The following STIM1 variants were observed in gnomAD, a reference collection of about 807,000 sequenced individuals.
The protein encoded by STIM1 is stromal interaction molecule 1.
Under a neutral mutation model 74.7 loss-of-function variants are expected in STIM1, and 25 were observed. The ratio of observed to expected loss-of-function variants is 0.33; its 90% CI spans 0.24 to 0.47. The LOEUF (loss-of-function observed/expected upper bound fraction) is 0.47, where lower values mean the gene tolerates loss of function less well. Among genes scored for constraint, STIM1 ranks in the 20% least tolerant of loss-of-function variants. STIM1 has a pLI of 1.00. For missense variants in STIM1, 728 were observed against 920.8 expected, an observed-to-expected ratio of 0.79 and a Z score of 2.71; for synonymous variants, 328 against 348.8, an observed-to-expected ratio of 0.94 and a Z score of 0.66.
intron 1 of STIM1, among the ~76,000 whole-genome samples, chr11:3,918,532 T>TAAAA (rs201179616): frequency 1.1e-5 from 1 of 92,814 alleles, no homozygotes; most frequent in Non-Finnish European, 1.9e-5. Context: ...AGACACTGTC[T>TAAAA]CAAAAAAAAA....
At chr11:3,995,868 G>A (rs2093659053) in intron 2 of STIM1, among the ~76,000 whole-genome samples, 1 of 150,538 alleles carries the variant, frequency 6.6e-6, no homozygotes, top group Admixed American at 6.6e-5. Flanking sequence ...CAGGTGGCCT[G>A]GCTAATTTTT....
intron 1 of STIM1, among the ~76,000 whole-genome samples, chr11:3,943,235 A>G (rs2093032049): frequency 6.6e-6 from 1 of 152,196 alleles, no homozygotes; most frequent in Non-Finnish European, 1.5e-5. Flanking sequence ...ACTTGCTTCC[A>G]CAGAACCTGG....
chr11:3,908,379 A>G (rs1241411693), intron 1 of STIM1, among the ~76,000 whole-genome samples: 1 of 152,138 alleles, frequency 6.6e-6, no homozygotes, highest in Non-Finnish European at 1.5e-5. Context: ...TTGGGAGGCC[A>G]AGGCAGGTGA....
chr11:3,927,262 T>C (rs1012269120), intron 1 of STIM1, among the ~76,000 whole-genome samples: 1 of 152,214 alleles, frequency 6.6e-6, no homozygotes, highest in Admixed American at 6.5e-5. Flanking sequence ...TTTTTAAGTC[T>C]ACCTCAGGAA....
intron 1 of STIM1, chr11:3,892,412 G>A (rs2091922825): frequency 6.9e-7 from 1 of 1,441,256 alleles, no homozygotes; most frequent in East Asian, 2.3e-5. Context: ...TCCACAGTCA[G>A]CAGTGGTGAT....
intron 7 of STIM1, among the ~76,000 whole-genome samples, chr11:4,079,600 A>G (rs1382828270): frequency 6.6e-6 from 1 of 152,146 alleles, no homozygotes; most frequent in African/African-American, 2.4e-5. Flanking sequence ...AAAAATAACT[A>G]TATCAAACCC....
intron 2 of STIM1, among the ~76,000 whole-genome samples, chr11:4,000,267 T>C (rs4910871): frequency 0.75 from 69,745 of 93,534 alleles, 28,673 homozygotes; most frequent in East Asian, 0.9. Context: ...GATCTGAGAA[T>C]GGGCAGACTG....
In STIM1 at chr11:4,029,510, G is replaced by C. The variant is rs140395835; in HGVS notation, c.385+5523G>C. On this transcript the variant is annotated intron_variant, in intron 3 of 12. Coordinates refer to ENST00000526596, the MANE Select transcript of STIM1 (RefSeq NM_001382567.1). ...GAAGATGTGCACTTTAGGTGAATTG[G>C]TGTGTCTAAATGGTCCCAATCTGAG... 2.8e-5 allele frequency among the ~76,000 whole-genome samples: 4 copies of C among 145,394 alleles called. No individual in the cohort carries two copies. The Admixed American group carries it at 2.8e-4, about 10-fold the overall frequency.
At chr11:3,997,640 G>C (rs1170227649) in intron 2 of STIM1, among the ~76,000 whole-genome samples, 1 of 152,154 alleles carries the variant, frequency 6.6e-6, no homozygotes, top group African/African-American at 2.4e-5. Context: ...TTAAGTGAGG[G>C]AATAGCATGT....
At chr11:4,087,317 C>T (rs2094499645) in intron 12 of STIM1, among the ~76,000 whole-genome samples, 1 of 152,088 alleles carries the variant, frequency 6.6e-6, no homozygotes, top group African/African-American at 2.4e-5. Flanking sequence ...TTATTAAGTG[C>T]TATGGGGGTG....
chr11:4,008,087 C>T (rs773222133), intron 2 of STIM1, among the ~76,000 whole-genome samples: 4 of 152,096 alleles, frequency 2.6e-5, no homozygotes, highest in Non-Finnish European at 5.9e-5. Context: ...ATTCAGTCAA[C>T]AGTGGGCCAC....
chr11:4,049,376 G>A (rs2094219883), intron 3 of STIM1: 1 of 149,142 alleles, frequency 6.7e-6, no homozygotes, highest in Admixed American at 6.7e-5. Flanking sequence ...CCAAGCTGGA[G>A]TGCAATGGCA....
intron 2 of STIM1, among the ~76,000 whole-genome samples, chr11:3,972,558 T>C (rs1483113054): frequency 6.6e-6 from 1 of 152,224 alleles, no homozygotes; most frequent in Admixed American, 6.5e-5. Flanking sequence ...ACTAAAACTC[T>C]TTGTTGGCAT....
intron 3 of STIM1, among the ~76,000 whole-genome samples, chr11:4,053,203 C>T (rs1317321817): frequency 1.3e-5 from 2 of 152,168 alleles, no homozygotes; most frequent in African/African-American, 2.4e-5. Flanking sequence ...ACTAGAAATA[C>T]CATTTGACCC....
intron 1 of STIM1, among the ~76,000 whole-genome samples, chr11:3,964,673 G>C (rs1440414297): frequency 6.6e-6 from 1 of 151,830 alleles, no homozygotes; most frequent in East Asian, 1.9e-4. Flanking sequence ...CTTTACCTAG[G>C]ATATGTGTGG....
chr11:3,969,604 C>T (rs971689757), intron 2 of STIM1, among the ~76,000 whole-genome samples: 6 of 152,246 alleles, frequency 3.9e-5, no homozygotes, highest in East Asian at 1.9e-4. Flanking sequence ...AAATAGACTT[C>T]CTGTATAAAA....
intron 1 of STIM1, among the ~76,000 whole-genome samples, chr11:3,964,414 A>G (rs1233963584): frequency 6.6e-6 from 1 of 152,090 alleles, no homozygotes; most frequent in Non-Finnish European, 1.5e-5. Flanking sequence ...AAGCTTTTGT[A>G]CTCCCTAACC....
intron 7 of STIM1, among the ~76,000 whole-genome samples, chr11:4,081,498 A>G (rs992508545): frequency 1.3e-5 from 2 of 152,242 alleles, no homozygotes; most frequent in African/African-American, 4.8e-5. Flanking sequence ...TGAGAGAATC[A>G]TAGACGCAGT....
chr11:3,887,990 G>A lies in STIM1; in HGVS notation c.139+31581G>A, dbSNP rs527457656. 588 of 145,078 alleles carry A rather than the reference G, an allele frequency of 4.1e-3. 5 individuals carry two copies. Among genetic ancestry groups the A allele is most frequent in the Non-Finnish European group, 6.3e-3 (409 of 64,796 alleles). The allele number at this position is 145,078 out of a possible 1,614,324, so 9.0% of individuals were successfully genotyped here. On this transcript the variant is annotated intron_variant, in intron 1 of 12. Transcript: ENST00000526596. ...GTCTCAAAAAAAAAAAAAAAAAATA[G>A]GACATCTGTGTCCAGGAATCTTTTT...
Sources: gnomAD v4.1 joint callset for allele counts (sites outside exome capture counted in the v4.1 genomes callset) on GRCh38, gnomAD v4.1.1 for gene constraint, MANE v1.5 for transcripts, NCBI Gene and HGNC (gene_info 2026-07-23, HGNC 2026-07-21) for gene names.